Variants in FRMD5 observed in about 807,000 individuals in gnomAD.
FRMD5 encodes the protein FERM domain-containing protein 5.
In FRMD5, 20 loss-of-function variants were observed where a neutral mutation model predicts 69.0. The observed-to-expected ratio is 0.29, with a 90% confidence interval of 0.20 to 0.42. The LOEUF is 0.42. FRMD5 is among the 10% of genes least tolerant of loss of function. The pLI is 1.00. For synonymous variants in FRMD5, 271 were observed against 260.1 expected (o/e 1.04, Z -0.40); for missense variants, 595 against 708.6 (o/e 0.84, Z 1.82).
At chr15:43,935,732 C>A (rs1011208072) in intron 1 of FRMD5, among the ~76,000 whole-genome samples, 2 of 152,118 alleles carry the variant, frequency 1.3e-5, no homozygotes, top group East Asian at 1.9e-4. Context: ...TTGAGCCCAG[C>A]GGCTCCCTGA....
chr15:44,060,054 A>C (rs901181667), intron 1 of FRMD5, among the ~76,000 whole-genome samples: 1 of 152,242 alleles, frequency 6.6e-6, no homozygotes, highest in Non-Finnish European at 1.5e-5. Flanking sequence ...GGAGAAGACA[A>C]GAAGGTAAGT....
At chr15:44,185,973 C>A (rs2078093820) in intron 1 of FRMD5, among the ~76,000 whole-genome samples, 1 of 152,158 alleles carries the variant, frequency 6.6e-6, no homozygotes, top group Non-Finnish European at 1.5e-5. Context: ...GTTGCCCAGG[C>A]TGGAGTGCAA....
intron 1 of FRMD5, among the ~76,000 whole-genome samples, chr15:44,153,467 A>G (rs2077477990): frequency 6.6e-6 from 1 of 152,258 alleles, no homozygotes; most frequent in Admixed American, 6.5e-5. Flanking sequence ...GCCAGTCACA[A>G]AAAGACAAAT....
At chr15:44,017,230 G>C (rs1264939890) in intron 1 of FRMD5, among the ~76,000 whole-genome samples, 2 of 151,672 alleles carry the variant, frequency 1.3e-5, no homozygotes, top group East Asian at 3.9e-4. Context: ...CTCAGCTACT[G>C]GGGAGGCTGA....
At chr15:44,022,142 T>C (rs1891236081) in intron 1 of FRMD5, among the ~76,000 whole-genome samples, 1 of 152,122 alleles carries the variant, frequency 6.6e-6, no homozygotes, top group African/African-American at 2.4e-5. Context: ...GAGGGAGTAA[T>C]AGTTTCTGTT....
intron 8 of FRMD5, among the ~76,000 whole-genome samples, chr15:43,889,930 ATAG>A (rs1313849468): frequency 2.6e-5 from 4 of 152,198 alleles, no homozygotes; most frequent in African/African-American, 9.7e-5. Flanking sequence ...CTCCTAGGAA[ATAG>A]TAGAAAGGTA....
intron 1 of FRMD5, among the ~76,000 whole-genome samples, chr15:43,999,331 G>C (rs998085176): frequency 6.6e-6 from 1 of 152,124 alleles, no homozygotes; most frequent in African/African-American, 2.4e-5. Flanking sequence ...GCCTCCCAAA[G>C]TGCTAGGATT....
In FRMD5 at chr15:43,973,368, G is replaced by GTT. The variant is rs142522923; in HGVS notation, c.103-49061_103-49060dup. Among the ~76,000 whole-genome samples the GTT allele has an allele frequency of 5.8e-4, 74 of 127,678 alleles. 1 individual carries two copies. Among genetic ancestry groups the GTT allele is most frequent in the African/African-American group, 1.5e-3 (51 of 34,842 alleles). 83.8% of individuals were successfully genotyped at this position (127,678 alleles called of 152,430 possible). A position where few individuals can be genotyped will look rare whatever the true frequency, so the allele number is the denominator to read the frequency against. Reference sequence around the variant, plus strand: ...TACTTTCTTGTTTGCTAATGCTAATGTTTTTTTTTTTTTTTGAGACAGAGT... The same window carrying GTT: ...TACTTTCTTGTTTGCTAATGCTAATGTTTTTTTTTTTTTTTTTGAGACAGAGT... On this transcript the variant is annotated intron_variant, in intron 1 of 13. Transcript: ENST00000417257.
intron 1 of FRMD5, among the ~76,000 whole-genome samples, chr15:44,086,566 T>G (rs116191957): frequency 0.013 from 1,948 of 152,130 alleles, 53 homozygotes; most frequent in African/African-American, 0.045. Flanking sequence ...AGGAGAGAAA[T>G]AGGAGTGACT....
At chr15:44,121,870 C>T (rs2076956180) in intron 1 of FRMD5, among the ~76,000 whole-genome samples, 1 of 151,374 alleles carries the variant, frequency 6.6e-6, no homozygotes. Flanking sequence ...TAGCGTGTGC[C>T]TGTAGTCCCA....
chr15:44,097,992 G>T (rs2076577554), intron 1 of FRMD5, among the ~76,000 whole-genome samples: 1 of 152,100 alleles, frequency 6.6e-6, no homozygotes. Context: ...CTTAAAGTCT[G>T]GGAGAAAGGA....
intron 1 of FRMD5, among the ~76,000 whole-genome samples, chr15:43,997,130 G>A (rs1486124928): frequency 1.3e-5 from 2 of 152,114 alleles, no homozygotes; most frequent in Non-Finnish European, 1.5e-5. Flanking sequence ...AGACACAGGG[G>A]ACCTACCTTA....
chr15:44,136,841 C>A (rs1161115617), intron 1 of FRMD5, among the ~76,000 whole-genome samples: 2 of 152,076 alleles, frequency 1.3e-5, no homozygotes, highest in Non-Finnish European at 2.9e-5. Flanking sequence ...ACAGATAATT[C>A]TTGTTAAAAT....
intron 13 of FRMD5, among the ~76,000 whole-genome samples, chr15:43,882,871 C>T (rs2088568840): frequency 6.6e-6 from 1 of 151,972 alleles, no homozygotes; most frequent in African/African-American, 2.4e-5. Flanking sequence ...GCAATCTGGG[C>T]TCACTGCAGC....
chr15:44,197,622 C>A (rs1326386711), upstream of FRMD5, among the ~76,000 whole-genome samples: 1 of 138,144 alleles, frequency 7.2e-6, no homozygotes, highest in East Asian at 2.1e-4. Context: ...GCGAAGGTTG[C>A]AGTGAGCTGA....
At chr15:43,953,059 CT>C (rs2090061399) in intron 1 of FRMD5, among the ~76,000 whole-genome samples, 1 of 152,196 alleles carries the variant, frequency 6.6e-6, no homozygotes, top group Non-Finnish European at 1.5e-5. Context: ...CTAAGAATGA[CT>C]TTTTCTCTAC....
In FRMD5 at chr15:43,946,076, A is replaced by C. The variant is rs78910343; in HGVS notation, c.103-21767T>G. On this transcript the variant is annotated intron_variant, in intron 1 of 13. Coordinates refer to ENST00000417257, the MANE Select transcript of FRMD5 (RefSeq NM_032892.5). Reference sequence around the variant, plus strand: ...TCTCAAAAAAAAAAAAAAATTCCCCAAAGTCTCACTTCCTCTGACAGCACC... The same window carrying C: ...TCTCAAAAAAAAAAAAAAATTCCCCCAAGTCTCACTTCCTCTGACAGCACC... Among the ~76,000 whole-genome samples the C allele has an allele frequency of 2.3e-4, 35 of 151,548 alleles. No homozygotes were observed. In the East Asian group the frequency reaches 6.8e-3, roughly 29 times the overall value.
At chr15:43,886,812 G>A (rs891774870) in intron 10 of FRMD5, among the ~76,000 whole-genome samples, 10 of 152,244 alleles carry the variant, frequency 6.6e-5, no homozygotes, top group African/African-American at 2.4e-4. Context: ...GTATGTGAGA[G>A]ACACTGAGGG....
chr15:44,054,340 C>T (rs899757331), intron 1 of FRMD5, among the ~76,000 whole-genome samples: 2 of 152,186 alleles, frequency 1.3e-5, no homozygotes, highest in African/African-American at 2.4e-5. Context: ...TCCCTGCAAT[C>T]GTCCGCTCTC....
Sources: gnomAD v4.1 joint callset for allele counts (sites outside exome capture counted in the v4.1 genomes callset) on GRCh38, gnomAD v4.1.1 for gene constraint, MANE v1.5 for transcripts, NCBI Gene and HGNC (gene_info 2026-07-23, HGNC 2026-07-21) for gene names.